The following ZNF891 variants were observed in gnomAD, a reference collection of about 807,000 sequenced individuals.
ZNF891 encodes the protein hCG1646157.
For missense variants in ZNF891, 589 were observed against 632.7 expected (o/e 0.93, Z 0.74); for synonymous variants, 199 against 209.0 (o/e 0.95, Z 0.41).
rs1566333624 is a variant in ZNF891 at position 133,117,135 on chromosome 12, C to T, written c.*3149G>A. 6.6e-6 allele frequency: 1 copy of T among 152,196 alleles called. No homozygotes were observed. The highest frequency in any genetic ancestry group is 1.5e-5 in the Non-Finnish European group (1 of 68,040). The allele number at this position is 152,196 out of a possible 1,614,324, so 9.4% of individuals were successfully genotyped here. A position where few individuals can be genotyped will look rare whatever the true frequency, so the allele number is the denominator to read the frequency against. ...GAAGGACTTTCAAATACATAGAGAT[C>T]TTCTTCACTAAAACCTCCTTGCAGA... On this transcript the variant is annotated 3_prime_UTR_variant, in exon 2 of 2. Coordinates refer to ENST00000537226, the MANE Select transcript of ZNF891 (RefSeq NM_001277291.2).
Position 133,107,299 on chromosome 12 carries a change from T to A in ZNF891, c.*12985A>T, listed in dbSNP as rs1295699142. Reference sequence around the variant, plus strand: ...TGTAATAAGTGTAGCAAAATCTCCTTAGATATCTGAAAAGTCATACTGGAT... The same window carrying A: ...TGTAATAAGTGTAGCAAAATCTCCTAAGATATCTGAAAAGTCATACTGGAT... On this transcript the variant is annotated 3_prime_UTR_variant, in exon 2 of 2. Transcript: ENST00000537226. 5 of 152,254 alleles carry A rather than the reference T, an allele frequency of 3.3e-5. No individual in the cohort carries two copies. The highest frequency in any genetic ancestry group is 5.9e-5 in the Non-Finnish European group (4 of 68,038). The allele number at this position is 152,254 out of a possible 1,614,324, so 9.4% of individuals were successfully genotyped here.
At chr12:133,125,863 G>C (rs879732196) in intron 1 of ZNF891, 10 of 503,490 alleles carry the variant, frequency 2.0e-5, no homozygotes, top group Admixed American at 9.9e-5. Flanking sequence ...TCAACACCTT[G>C]ATCAGGCCTG....
In ZNF891 at chr12:133,106,182, A is replaced by G; in HGVS notation, c.*14102T>C. 1 of 1,614,100 alleles carries G rather than the reference A, an allele frequency of 6.2e-7. No individual in the cohort carries two copies. On this transcript the variant is annotated 3_prime_UTR_variant, in exon 2 of 2. Transcript: ENST00000537226. The stretch of plus-strand genomic sequence containing the variant: ...ACACATACTGGAGAGAAACCTTATG[A>G]ATGCATTGAATGTGGGAAGGCATTT...
Position 133,111,335 on chromosome 12 carries a change from A to C in ZNF891, c.*8949T>G, listed in dbSNP as rs1167674855. The C allele has an allele frequency of 6.6e-6, 1 of 152,160 alleles. No individual in the cohort carries two copies. 9.4% of individuals were successfully genotyped at this position (152,160 alleles called of 1,614,324 possible). A position where few individuals can be genotyped will look rare whatever the true frequency, so the allele number is the denominator to read the frequency against. On this transcript the variant is annotated 3_prime_UTR_variant, in exon 2 of 2. Transcript: ENST00000537226. ...GCAGTGAGACCCCATTTCTACAAAA[A>C]ATACAAATAAAAAAATTATCCAGGT...
In ZNF891 at chr12:133,116,487, A is replaced by G. The variant is rs538258676; in HGVS notation, c.*3797T>C. ...ACCTGAAACCACTTGGTTTCACAGC[A>G]TGACTGCAGGCTCTCCTTTCCAAGC... is the stretch of plus-strand genomic sequence containing the variant. On this transcript the variant is annotated 3_prime_UTR_variant, in exon 2 of 2. Coordinates refer to ENST00000537226, the MANE Select transcript of ZNF891 (RefSeq NM_001277291.2). 1 of 152,396 alleles carries G rather than the reference A, an allele frequency of 6.6e-6. No homozygotes were observed. Among genetic ancestry groups the G allele is most frequent in the South Asian group, 2.1e-4 (1 of 4,826 alleles). The allele number at this position is 152,396 out of a possible 1,614,324, so 9.4% of individuals were successfully genotyped here. A position where few individuals can be genotyped will look rare whatever the true frequency, so the allele number is the denominator to read the frequency against.
chr12:133,106,539 C>G lies in ZNF891; in HGVS notation c.*13745G>C. The G allele has an allele frequency of 6.2e-7, 1 of 1,613,972 alleles. No individual in the cohort carries two copies. Among genetic ancestry groups the G allele is most frequent in the Non-Finnish European group, 8.5e-7 (1 of 1,180,016 alleles). ...TATGTATGTAAGGTATGCAACAAAT[C>G]CTTCAGCTGGAGCTCAAACCTTGCT... is the stretch of plus-strand genomic sequence containing the variant. On this transcript the variant is annotated 3_prime_UTR_variant, in exon 2 of 2. Coordinates refer to ENST00000537226, the MANE Select transcript of ZNF891 (RefSeq NM_001277291.2).
rs556984151 is a variant in ZNF891, at chr12:133,121,883, T to C, written c.36A>G (p.Leu12=). The change falls in exon 2 of 2, where the codon TTA becomes TTG. Residue 12 remains leucine (L), a synonymous_variant. Transcript: ENST00000537226. ...AVMDLSSPWA[L]TKQDSACFHL... is the part of the protein sequence containing the mutation. ...GGAAACAGGCAGAGTCCTGTTTAGT[T>C]AAAGCCCATGGGGAGGATAGGTCCA... The C allele has an allele frequency of 1.3e-6, 2 of 1,536,136 alleles. No individual in the cohort carries two copies. The highest frequency in any genetic ancestry group is 2.7e-5 in the African/African-American group (2 of 73,094).
chr12:133,127,862 G>A (rs1188883282), intron 1 of ZNF891, among the ~76,000 whole-genome samples: 3 of 152,100 alleles, frequency 2.0e-5, no homozygotes, highest in African/African-American at 7.2e-5. Context: ...GGAACCAAAA[G>A]ACATTTTACA....
At position 133,121,578 on chromosome 12, in the gene ZNF891, T is replaced by G. The variant is rs1231510214; in HGVS notation, c.341A>C (p.Asp114Ala). 58 of 1,536,490 alleles carry G rather than the reference T, an allele frequency of 3.8e-5. No homozygotes were observed. Among genetic ancestry groups the G allele is most frequent in the Non-Finnish European group, 4.9e-5 (56 of 1,147,030 alleles). Residue 114 changes from aspartate (D) to alanine (A), a missense_variant, in exon 2 of 2, where the codon GAC becomes GCC. By Grantham distance (126) the Asp-to-Ala change is moderately radical. Coordinates refer to ENST00000537226, the MANE Select transcript of ZNF891 (RefSeq NM_001277291.2). ...KKRIPQAICPDQKIQPKTKES... is the reference protein window; with the variant it reads ...KKRIPQAICPAQKIQPKTKES... ...TTTGGTTTTAGGTTGAATCTTCTGGTCTGGACAGATGGCTTGGGGAATTCT... is the reference window on the plus strand; with the variant it reads ...TTTGGTTTTAGGTTGAATCTTCTGGGCTGGACAGATGGCTTGGGGAATTCT...
Position 133,117,094 on chromosome 12 carries a change from C to T in ZNF891, c.*3190G>A, listed in dbSNP as rs1212525991. ...GCTTTGCTGTCTTCTCCACTGATGG[C>T]TCTATTGATAACTTGGAAGGACTTT... On this transcript the variant is annotated 3_prime_UTR_variant, in exon 2 of 2. Transcript: ENST00000537226. 1.3e-5 allele frequency: 2 copies of T among 152,218 alleles called. No individual in the cohort carries two copies. Among genetic ancestry groups the T allele is most frequent in the Non-Finnish European group, 2.9e-5 (2 of 68,046 alleles). The allele number at this position is 152,218 out of a possible 1,614,324, so 9.4% of individuals were successfully genotyped here. A position where few individuals can be genotyped will look rare whatever the true frequency, so the allele number is the denominator to read the frequency against.
Position 133,106,367 on chromosome 12 carries a change from A to T in ZNF891, c.*13917T>A, listed in dbSNP as rs201313475. ...GCTCTATGAATGTGATGAATGTGGT[A>T]AAGTTTTCACTTGGCATGCATCCCT... On this transcript the variant is annotated 3_prime_UTR_variant, in exon 2 of 2. Coordinates refer to ENST00000537226, the MANE Select transcript of ZNF891 (RefSeq NM_001277291.2). 1 of 1,614,180 alleles carries T rather than the reference A, an allele frequency of 6.2e-7. No homozygotes were observed. Among genetic ancestry groups the T allele is most frequent in the African/African-American group, 1.3e-5 (1 of 75,038 alleles).
intron 1 of ZNF891, among the ~76,000 whole-genome samples, chr12:133,128,806 AG>A (rs1451670440): frequency 4.7e-5 from 7 of 150,030 alleles, no homozygotes; most frequent in Non-Finnish European, 7.4e-5. Flanking sequence ...AAAAAAAAAA[AG>A]TAGAAAAACA....
chr12:133,123,322 G>A (rs1955782848), intron 1 of ZNF891, among the ~76,000 whole-genome samples: 1 of 152,184 alleles, frequency 6.6e-6, no homozygotes, highest in Non-Finnish European at 1.5e-5. Context: ...GCCCATGGCA[G>A]AAACTCAACA....
rs1448446804 is a variant in ZNF891 at position 133,115,255 on chromosome 12, T to C, written c.*5029A>G. ...CTAAAAATACAAAATTAGCCAGGAG[T>C]GGTGGCACATGCCTGTAATCCCAGC... On this transcript the variant is annotated 3_prime_UTR_variant, in exon 2 of 2. Transcript: ENST00000537226. 1.3e-5 allele frequency: 2 copies of C among 150,260 alleles called. No individual in the cohort carries two copies. Among genetic ancestry groups the C allele is most frequent in the Non-Finnish European group, 3.0e-5 (2 of 67,624 alleles). The allele number at this position is 150,260 out of a possible 1,614,324, so 9.3% of individuals were successfully genotyped here.
At chr12:133,126,215 C>T (rs1042524310) in intron 1 of ZNF891, among the ~76,000 whole-genome samples, 29 of 151,980 alleles carry the variant, frequency 1.9e-4, no homozygotes, top group African/African-American at 6.5e-4. Flanking sequence ...GGGCCGGGCA[C>T]GGAGGCTCAT....
In ZNF891 at chr12:133,121,713, C is replaced by T. The variant is rs1004104773; in HGVS notation, c.206G>A (p.Arg69Lys). ...MLDSAQRSLY[R>K]DVMLENYRNL... ...TCTATAGTTTTCCAACATCACATCT[C>T]TGTACAGACTTCTTTGAGCAGAATC... The change falls in exon 2 of 2, where the codon AGA becomes AAA. Residue 69 changes from arginine to lysine, a missense_variant. By Grantham distance (26) the Arg-to-Lys change is conservative. Transcript: ENST00000537226. 1 of 1,536,662 alleles carries T rather than the reference C, an allele frequency of 6.5e-7. No homozygotes were observed. The highest frequency in any genetic ancestry group is 2.4e-5 in the East Asian group (1 of 40,908).
chr12:133,127,676 CAG>C (rs763883254), intron 1 of ZNF891, among the ~76,000 whole-genome samples: 36 of 152,234 alleles, frequency 2.4e-4, no homozygotes, highest in Admixed American at 5.2e-4. Context: ...TTACAGGAAA[CAG>C]GAGATTTAAC....
rs1477285832 is a variant in ZNF891, at chr12:133,120,321, A to G, written c.1598T>C (p.Ile533Thr). 5 of 1,554,766 alleles carry G rather than the reference A, an allele frequency of 3.2e-6. No individual in the cohort carries two copies. The African/African-American group carries it at 4.1e-5, about 13-fold the overall frequency. Residue 533 changes from isoleucine to threonine, a missense_variant, in exon 2 of 2, where the codon ATA becomes ACA. Transcript: ENST00000537226. ...KAFSQSSSLI[I>T]HKRIHTERET... ...TCTCTCAGTATGAATTCTCTTGTGT[A>G]TAATAAGTGAAGAGCTCTGACTGAA...
Position 133,106,623 on chromosome 12 carries a change from A to C in ZNF891, c.*13661T>G. ...TATGAATATGAAAATTCATTTAATT[A>C]CCACTCATTCCTTACTGAACACCAG... On this transcript the variant is annotated 3_prime_UTR_variant, in exon 2 of 2. Coordinates refer to ENST00000537226, the MANE Select transcript of ZNF891 (RefSeq NM_001277291.2). 1.2e-6 allele frequency: 2 copies of C among 1,601,744 alleles called. No individual in the cohort carries two copies. Among genetic ancestry groups the C allele is most frequent in the Non-Finnish European group, 1.7e-6 (2 of 1,176,090 alleles).
Sources: allele counts gnomAD v4.1 joint callset (sites outside exome capture counted in the v4.1 genomes callset), GRCh38; gene constraint gnomAD v4.1.1; transcripts MANE v1.5; gene names NCBI Gene and HGNC (gene_info 2026-07-23, HGNC 2026-07-21).